Variants in TRPS1 observed in about 807,000 individuals in gnomAD.
TRPS1 encodes the protein zinc finger transcription factor Trps1.
TRPS1 carries 6 observed loss-of-function variants against 101.2 expected under a neutral mutation model. The ratio of observed to expected loss-of-function variants is 0.06; its 90% CI spans 0.03 to 0.12. TRPS1 has a LOEUF of 0.12. Among genes scored for constraint, TRPS1 ranks in the 10% least tolerant of loss-of-function variants. TRPS1 has a pLI of 1.00. For missense variants in TRPS1, 1,363 were observed against 1,567.0 expected, an observed-to-expected ratio of 0.87 and a Z score of 2.20; for synonymous variants, 578 against 589.8, an observed-to-expected ratio of 0.98 and a Z score of 0.29.
intron 5 of TRPS1, among the ~76,000 whole-genome samples, chr8:115,422,549 T>C (rs1162016100): frequency 6.6e-6 from 1 of 151,990 alleles, no homozygotes; most frequent in Non-Finnish European, 1.5e-5. Context: ...GTATTTTTAG[T>C]GGGGTCGGGT....
At chr8:115,437,287 G>T (rs1255171272) in intron 5 of TRPS1, among the ~76,000 whole-genome samples, 1 of 152,200 alleles carries the variant, frequency 6.6e-6, no homozygotes, top group Non-Finnish European at 1.5e-5. Context: ...AAAAAGCAGG[G>T]ATACCCCCAT....
At chr8:115,467,551 G>T (rs1814355548) in intron 5 of TRPS1, among the ~76,000 whole-genome samples, 1 of 152,032 alleles carries the variant, frequency 6.6e-6, no homozygotes, top group Non-Finnish European at 1.5e-5. Context: ...ATTGCGATAT[G>T]AGTGTCCAGG....
At chr8:115,616,028 T>C (rs1818269532) in intron 3 of TRPS1, among the ~76,000 whole-genome samples, 1 of 152,198 alleles carries the variant, frequency 6.6e-6, no homozygotes, top group Non-Finnish European at 1.5e-5. Context: ...ATAGCTTCTC[T>C]TGTTTTCTTG....
intron 1 of TRPS1, among the ~76,000 whole-genome samples, chr8:115,642,864 A>AT (rs1818935094): frequency 1.2e-5 from 1 of 84,394 alleles, no homozygotes; most frequent in African/African-American, 3.8e-5. Flanking sequence ...ATATATATAT[A>AT]AATATATATA....
intron 4 of TRPS1, among the ~76,000 whole-genome samples, chr8:115,595,304 TA>T (rs1317613657): frequency 1.3e-5 from 2 of 151,834 alleles, no homozygotes; most frequent in African/African-American, 4.8e-5. Flanking sequence ...TGTAAAATGA[TA>T]AAATGAAAAA....
Position 115,435,858 on chromosome 8 carries a change from T to C in TRPS1, c.2701-17406A>G, listed in dbSNP as rs548959090. Among the ~76,000 whole-genome samples, 9 of 152,254 alleles carry C rather than the reference T, an allele frequency of 5.9e-5. No homozygotes were observed. In the South Asian group the frequency reaches 1.9e-3, roughly 32 times the overall value. ...CTCATGGAAGAAAAGTCCAGTGCCT[T>C]TGAAGTGTTTATAATTTTGAGGGGA... On this transcript the variant is annotated intron_variant, in intron 5 of 6. Coordinates refer to ENST00000395715, the MANE Select transcript of TRPS1 (RefSeq NM_014112.5).
chr8:115,667,894 A>G, intron 1 of TRPS1: 1 of 1,535,456 alleles, frequency 6.5e-7, no homozygotes, highest in Non-Finnish European at 8.7e-7. Flanking sequence ...GCTGGTGCCT[A>G]GTCTGCGCCC....
chr8:115,566,668 G>A (rs1242374466), intron 5 of TRPS1, among the ~76,000 whole-genome samples: 1 of 151,924 alleles, frequency 6.6e-6, no homozygotes, highest in Non-Finnish European at 1.5e-5. Context: ...CACGGACAAT[G>A]ACTCTTCACT....
At chr8:115,422,653 A>G (rs879727360) in intron 5 of TRPS1, among the ~76,000 whole-genome samples, 13 of 152,226 alleles carry the variant, frequency 8.5e-5, no homozygotes, top group Non-Finnish European at 1.0e-4. Context: ...GGTGTGAGCC[A>G]CCGCACCCAG....
rs1478480577 is a variant in TRPS1 at position 115,602,631 on chromosome 8, G to A, written c.2096+1242C>T. ...GGACATGAACTGCTTCATTACTGGT[G>A]ACTGAAAAAACATACACACACTTGC... On this transcript the variant is annotated intron_variant, in intron 4 of 6. Transcript: ENST00000395715. Among the ~76,000 whole-genome samples the A allele has an allele frequency of 2.0e-5, 3 of 152,134 alleles. No homozygotes were observed. The East Asian group carries it at 5.8e-4, about 29-fold the overall frequency.
At chr8:115,510,405 C>A (rs1169956657) in intron 5 of TRPS1, among the ~76,000 whole-genome samples, 1 of 151,862 alleles carries the variant, frequency 6.6e-6, no homozygotes, top group Non-Finnish European at 1.5e-5. Context: ...CATGCCAGGG[C>A]TCAGGTCATC....
intron 1 of TRPS1, among the ~76,000 whole-genome samples, chr8:115,638,881 T>TA (rs1304917309): frequency 6.6e-6 from 1 of 152,080 alleles, no homozygotes; most frequent in African/African-American, 2.4e-5. Context: ...TATACTGAAA[T>TA]AGATTGTAAA....
At chr8:115,665,937 A>G (rs75672950) in intron 1 of TRPS1, among the ~76,000 whole-genome samples, 322 of 152,310 alleles carry the variant, frequency 2.1e-3, no homozygotes, top group Non-Finnish European at 2.0e-3. Context: ...TATAACATAC[A>G]TATCAGGAAG....
chr8:115,535,203 C>A (rs1816261282), intron 5 of TRPS1, among the ~76,000 whole-genome samples: 1 of 142,024 alleles, frequency 7.0e-6, no homozygotes, highest in Non-Finnish European at 1.5e-5. Flanking sequence ...ATATATATAG[C>A]ATATGTATAG....
At chr8:115,542,529 T>C (rs1816477933) in intron 5 of TRPS1, among the ~76,000 whole-genome samples, 1 of 151,372 alleles carries the variant, frequency 6.6e-6, no homozygotes, top group Admixed American at 6.6e-5. Context: ...TTCCAGAACT[T>C]AGAAAAAAAA....
chr8:115,522,129 C>A (rs1161963469), intron 5 of TRPS1, among the ~76,000 whole-genome samples: 1 of 151,794 alleles, frequency 6.6e-6, no homozygotes, highest in African/African-American at 2.4e-5. Flanking sequence ...TGGTGAATTT[C>A]TACGTAAGAT....
chr8:115,598,857 C>T (rs1262603023), intron 4 of TRPS1, among the ~76,000 whole-genome samples: 2 of 152,092 alleles, frequency 1.3e-5, no homozygotes, highest in East Asian at 3.9e-4. Context: ...TCTGAGTAGT[C>T]GATTTCTTGT....
chr8:115,448,999 C>T (rs1046043463), intron 5 of TRPS1, among the ~76,000 whole-genome samples: 4 of 152,108 alleles, frequency 2.6e-5, no homozygotes, highest in African/African-American at 9.7e-5. Context: ...CACTTGGAAC[C>T]ACATATATTC....
intron 1 of TRPS1, chr8:115,667,938 G>A: frequency 3.3e-6 from 5 of 1,511,356 alleles, no homozygotes; most frequent in Non-Finnish European, 4.4e-6. Context: ...ACTTGCAGTG[G>A]CGGCGGCGGC....
Sources: gnomAD v4.1 joint callset for allele counts (sites outside exome capture counted in the v4.1 genomes callset) on GRCh38, gnomAD v4.1.1 for gene constraint, MANE v1.5 for transcripts, NCBI Gene and HGNC (gene_info 2026-07-23, HGNC 2026-07-21) for gene names.